The following PI4KA variants were observed in gnomAD, a reference collection of about 807,000 sequenced individuals.
PI4KA encodes PI4-kinase alpha.
A neutral mutation model predicts 271.4 loss-of-function variants in PI4KA; 122 were observed. The observed-to-expected ratio is 0.45, with a 90% CI of 0.39 to 0.52. The LOEUF is 0.52. PI4KA is among the 20% of genes least tolerant of loss of function. PI4KA has a pLI of 0.00. For synonymous variants in PI4KA, 1,041 were observed against 1,078.8 expected (o/e 0.96, Z 0.69); for missense variants, 1,969 against 2,769.1 (o/e 0.71, Z 6.48).
intron 19 of PI4KA, among the ~76,000 whole-genome samples, chr22:20,782,763 T>A (rs1933897165): frequency 6.6e-6 from 1 of 152,174 alleles, no homozygotes; most frequent in Non-Finnish European, 1.5e-5. Flanking sequence ...CTAAACACCC[T>A]ACCATGCACA....
intron 29 of PI4KA, 194 bp downstream of exon 29, chr22:20,747,389 A>G: frequency 4.2e-6 from 2 of 481,578 alleles, no homozygotes. Context: ...CAATAAGGAA[A>G]CACTCATTTC....
At position 20,838,720 on chromosome 22, in the gene PI4KA, A is replaced by C. The variant is rs781301038; in HGVS notation, c.168T>G (p.Leu56=). 6 of 1,607,658 alleles carry C rather than the reference A, an allele frequency of 3.7e-6. No individual in the cohort carries two copies. Among genetic ancestry groups the C allele is most frequent in the Non-Finnish European group, 4.3e-6 (5 of 1,174,542 alleles). ...RPASLEKVQK[L]LCMCPVDFHG... is the part of the protein sequence containing the mutation. ...GGAAATCCACTGGACACATGCAAAGAAGCTTTTGGACCTAGAAAATGAGAC... is the reference window on the plus strand; with the variant it reads ...GGAAATCCACTGGACACATGCAAAGCAGCTTTTGGACCTAGAAAATGAGAC... The change falls in exon 2 of 55, where the codon CTT becomes CTG. Residue 56 remains leucine, a synonymous_variant. Coordinates refer to ENST00000255882, the MANE Select transcript of PI4KA (RefSeq NM_058004.4).
rs572126861 is a variant in PI4KA, at chr22:20,747,457, A to C, written c.3363+126T>G. Reference sequence around the variant, plus strand: ...CTTGCACCACTACCATTGTCAACAGACATCCACAGCACCCTGCATGTACTC... The same window carrying C: ...CTTGCACCACTACCATTGTCAACAGCCATCCACAGCACCCTGCATGTACTC... On this transcript the variant is annotated intron_variant, in intron 29 of 54. Transcript: ENST00000255882. 11 of 946,876 alleles carry C rather than the reference A, an allele frequency of 1.2e-5. No homozygotes were observed. The East Asian group carries it at 2.9e-4, about 25-fold the overall frequency. The allele number at this position is 946,876 out of a possible 1,614,324, so 58.7% of individuals were successfully genotyped here.
chr22:20,819,929 A>G (rs1420561118), intron 5 of PI4KA, 29 bp from the exon 6 acceptor site: 9 of 1,589,634 alleles, frequency 5.7e-6, no homozygotes, highest in East Asian at 4.5e-5. Flanking sequence ...ACGTTACAAT[A>G]TAAGAAAGTA....
At chr22:20,724,974 T>G (rs928767190) in intron 42 of PI4KA, among the ~76,000 whole-genome samples, 1 of 152,192 alleles carries the variant, frequency 6.6e-6, no homozygotes, top group African/African-American at 2.4e-5. Context: ...GCTCCACACA[T>G]ATCACCACTC....
chr22:20,831,568 A>T (rs1924164697), intron 3 of PI4KA, among the ~76,000 whole-genome samples: 1 of 149,646 alleles, frequency 6.7e-6, no homozygotes, highest in Admixed American at 6.7e-5. Flanking sequence ...ACTCTTTCTC[A>T]AAACACAAAC....
chr22:20,854,889 C>T lies in PI4KA; in HGVS notation c.156+3681G>A, dbSNP rs190778703. On this transcript the variant is annotated intron_variant, in intron 1 of 54. Transcript: ENST00000255882. ...AAACTTGGCCGGGCGTGGTGGCTCA[C>T]GCCTGCAATCCTGGCACTTTGGGAG... is the stretch of plus-strand genomic sequence containing the variant. Among the ~76,000 whole-genome samples the T allele has an allele frequency of 5.1e-4, 77 of 152,246 alleles. 1 individual carries two copies. The East Asian group carries it at 0.013, about 26-fold the overall frequency.
intron 19 of PI4KA, among the ~76,000 whole-genome samples, chr22:20,781,208 T>C (rs533785989): frequency 1.3e-4 from 20 of 152,300 alleles, no homozygotes; most frequent in African/African-American, 4.3e-4. Context: ...TAAATAAGCA[T>C]GGATTTGTAA....
At chr22:20,760,487 AT>A (rs1249857248) in intron 23 of PI4KA, among the ~76,000 whole-genome samples, 1 of 152,164 alleles carries the variant, frequency 6.6e-6, no homozygotes, top group Non-Finnish European at 1.5e-5. Flanking sequence ...TGTAAAACTA[AT>A]ATTAGCCTTT....
chr22:20,726,525 T>G lies in PI4KA; in HGVS notation c.4958A>C (p.Tyr1653Ser). The part of the protein sequence containing the change: ...RSFPPDAILF[Y>S]IPQIVQALRY... ...GAGGGCCTGCACAATCTGGGGGATG[T>G]AGAAGAGGATGGCGTCCTGTGGAGG... Residue 1653 changes from tyrosine to serine, a missense_variant, in exon 42 of 55, where the codon TAC (tyrosine) becomes TCC (serine). Physicochemically the swap from Tyr to Ser is moderately radical, Grantham distance 144. Around this residue, in one of 13 missense-constraint regions of PI4KA, gnomAD observed 388 missense variants for 521.5 expected, o/e 0.74. Coordinates refer to ENST00000255882, the MANE Select transcript of PI4KA (RefSeq NM_058004.4). The G allele has an allele frequency of 1.9e-6, 3 of 1,583,346 alleles. No homozygotes were observed. Among genetic ancestry groups the G allele is most frequent in the Non-Finnish European group, 2.6e-6 (3 of 1,168,126 alleles).
chr22:20,824,181 T>G lies in PI4KA; in HGVS notation c.456+145A>C, dbSNP rs778635034. 7.3e-6 allele frequency: 5 copies of G among 685,734 alleles called. No individual in the cohort carries two copies. In the African/African-American group the frequency reaches 8.8e-5, roughly 12 times the overall value. 42.5% of individuals were successfully genotyped at this position (685,734 alleles called of 1,614,324 possible). A position where few individuals can be genotyped will look rare whatever the true frequency, so the allele number is the denominator to read the frequency against. ...AAGAGTAGTGAAAGACCTAAGCATG[T>G]CTTAGGTCTGCTGTCAACAGGATGA... is the stretch of plus-strand genomic sequence containing the variant. On this transcript the variant is annotated intron_variant, in intron 4 of 54. Coordinates refer to ENST00000255882, the MANE Select transcript of PI4KA (RefSeq NM_058004.4).
intron 9 of PI4KA, among the ~76,000 whole-genome samples, chr22:20,809,464 A>C (rs1935870662): frequency 1.3e-5 from 2 of 151,960 alleles, no homozygotes; most frequent in African/African-American, 4.8e-5. Flanking sequence ...CTGTTTCTTC[A>C]AATGGATGTT....
intron 28 of PI4KA, 84 bp downstream of exon 28, chr22:20,749,821 A>AT: frequency 1.2e-6 from 1 of 812,656 alleles, no homozygotes; most frequent in South Asian, 1.4e-5. Context: ...TGCTATTTGG[A>AT]TTTTGAGTTC....
intron 1 of PI4KA, among the ~76,000 whole-genome samples, 195 bp from the exon 2 acceptor site, chr22:20,838,926 T>TA (rs935060328): frequency 2.0e-5 from 3 of 151,642 alleles, no homozygotes; most frequent in Non-Finnish European, 2.9e-5. Flanking sequence ...TAAATAAAAA[T>TA]AAAAAATAGG....
At chr22:20,815,645 G>A (rs1921698409) in intron 7 of PI4KA, among the ~76,000 whole-genome samples, 1 of 152,138 alleles carries the variant, frequency 6.6e-6, no homozygotes, top group African/African-American at 2.4e-5. Context: ...CAGAAAGGAT[G>A]GGCAACAATA....
chr22:20,763,478 C>T (rs1382148319), intron 22 of PI4KA, among the ~76,000 whole-genome samples: 2 of 150,044 alleles, frequency 1.3e-5, no homozygotes, highest in African/African-American at 2.5e-5. Context: ...CTCGCTCTGT[C>T]GCCCAGGCTG....
chr22:20,769,493 C>A lies in PI4KA; in HGVS notation c.2329-3800G>T, dbSNP rs200912777. ...GATCAGCCTGGCTAACACGGTAAAA[C>A]CCCATCTCTACTAAAAATACAAAAA... On this transcript the variant is annotated intron_variant, in intron 19 of 54. Transcript: ENST00000255882. Among the ~76,000 whole-genome samples, 29 of 152,112 alleles carry A rather than the reference C, an allele frequency of 1.9e-4. No homozygotes were observed. In the East Asian group the frequency reaches 5.2e-3, roughly 27 times the overall value.
intron 22 of PI4KA, among the ~76,000 whole-genome samples, chr22:20,761,868 T>C (rs183883581): frequency 6.6e-6 from 1 of 151,970 alleles, no homozygotes; most frequent in African/African-American, 2.4e-5. Flanking sequence ...TAAAGGTCTG[T>C]CTTTGCATGT....
At chr22:20,710,152 G>C (rs777850718) in intron 52 of PI4KA, 155 bp from the exon 53 acceptor site, 6 of 671,534 alleles carry the variant, frequency 8.9e-6, no homozygotes, top group African/African-American at 1.8e-5. Context: ...GGCAACTTTC[G>C]ATCTGCTGCA....
Sources: gnomAD v4.1 joint callset for allele counts (sites outside exome capture counted in the v4.1 genomes callset) on GRCh38, gnomAD v4.1.1 for gene constraint, gnomAD v4.1.1 regional missense constraint, MANE v1.5 for transcripts, NCBI Gene and HGNC (gene_info 2026-07-23, HGNC 2026-07-21) for gene names.